Variants in STK36 observed in about 807,000 individuals in gnomAD.
STK36 encodes the protein serine/threonine kinase 36, also known as serine/threonine-protein kinase 36.
Under a neutral mutation model 142.2 loss-of-function variants are expected in STK36, and 116 were observed. The ratio of observed to expected loss-of-function variants is 0.82; its 90% CI spans 0.70 to 0.95. The LOEUF (loss-of-function observed/expected upper bound fraction) is 0.95. STK36 is among the 40% of genes least tolerant of loss of function. STK36 has a pLI of 0.00. For synonymous variants in STK36, 619 were observed against 641.7 expected, an observed-to-expected ratio of 0.96 and a Z score of 0.53; for missense variants, 1,422 against 1,617.2, an observed-to-expected ratio of 0.88 and a Z score of 2.07.
At position 218,675,377 on chromosome 2, in the gene STK36, T is replaced by G; in HGVS notation, c.338T>G (p.Leu113Arg). 1 of 1,613,968 alleles carries G rather than the reference T, an allele frequency of 6.2e-7. No homozygotes were observed. The highest frequency in any genetic ancestry group is 8.5e-7 in the Non-Finnish European group (1 of 1,179,948). Residue 113 changes from leucine (L) to arginine (R), a missense_variant, in exon 5 of 27, where the codon CTG becomes CGG. Leu to Arg is a moderately radical substitution (Grantham distance 102, BLOSUM62 -2). This residue lies in a region of STK36 where 460 missense variants were observed against 449.6 expected (regional missense o/e 1.02). Coordinates refer to ENST00000295709, the MANE Select transcript of STK36 (RefSeq NM_015690.5). ...ATTGCTGCCCAGTTGGTGTCAGCCC[T>G]GTACTATCTGCATTCCCACCGCATC... ...QAIAAQLVSA[L>R]YYLHSHRILH...
rs1167060940 is a variant in STK36, at chr2:218,701,869, C to T, written c.3808C>T (p.Leu1270=). ...TCATCTGTTCTCTATCCTACAGGTACTGGTGTCCCTGGGTGCCAGTGAGAA... is the reference window on the plus strand; with the variant it reads ...TCATCTGTTCTCTATCCTACAGGTATTGGTGTCCCTGGGTGCCAGTGAGAA... ...LQQEPGIHQV[L]VSLGASEKLS... is the part of the protein sequence containing the mutation. The change falls in exon 27 of 27, where the codon CTG becomes TTG. Residue 1270 remains leucine (L), a synonymous_variant. Transcript: ENST00000295709. 2.5e-6 allele frequency: 4 copies of T among 1,613,970 alleles called. No individual in the cohort carries two copies. The highest frequency in any genetic ancestry group is 1.7e-5 in the Admixed American group (1 of 59,980).
At position 218,679,208 on chromosome 2, in the gene STK36, G is replaced by A. The variant is rs765181792; in HGVS notation, c.725G>A (p.Arg242Gln). 14 of 1,614,040 alleles carry A rather than the reference G, an allele frequency of 8.7e-6. No homozygotes were observed. The highest frequency in any genetic ancestry group is 5.5e-5 in the South Asian group (5 of 91,070). ...CTGCTCACCAAAGACCCACGGCAGC[G>A]ACTGTCCTGGCCAGACCTCTTATAT... The part of the protein sequence containing the change: ...QGLLTKDPRQ[R>Q]LSWPDLLYHP... Residue 242 changes from arginine (R) to glutamine (Q), a missense_variant, in exon 7 of 27, where the codon CGA becomes CAA. Physicochemically the swap from Arg to Gln is conservative, Grantham distance 43. Coordinates refer to ENST00000295709, the MANE Select transcript of STK36 (RefSeq NM_015690.5).
At position 218,698,585 on chromosome 2, in the gene STK36, A is replaced by G. The variant is rs780007595; in HGVS notation, c.3058-17A>G. The G allele has an allele frequency of 3.1e-6, 5 of 1,607,956 alleles. No individual in the cohort carries two copies. The African/African-American group carries it at 5.4e-5, about 17-fold the overall frequency. On this transcript the variant is annotated splice_polypyrimidine_tract_variant and intron_variant, in intron 25 of 26. Transcript: ENST00000295709. ...ACTCTCTCTCTCCCTGAATCCTTTTACCTCCTGTTCTCTCAGGTCTGCTGC... is the reference window on the plus strand; with the variant it reads ...ACTCTCTCTCTCCCTGAATCCTTTTGCCTCCTGTTCTCTCAGGTCTGCTGC...
rs1940719066 is a variant in STK36 at position 218,685,131 on chromosome 2, A to G, written c.1283A>G (p.Glu428Gly). 1 of 1,614,166 alleles carries G rather than the reference A, an allele frequency of 6.2e-7. No homozygotes were observed. Among genetic ancestry groups the G allele is most frequent in the East Asian group, 2.2e-5 (1 of 44,876 alleles). ...NEWQHLLETT[E>G]PVPIQLKAPL... ...TGGCAGCACCTGCTAGAGACCACTGAGCCTGTGCCTATTCAACTGAAGGCT... is the reference window on the plus strand; with the variant it reads ...TGGCAGCACCTGCTAGAGACCACTGGGCCTGTGCCTATTCAACTGAAGGCT... The change falls in exon 11 of 27, where the codon GAG (glutamate) becomes GGG (glycine). Residue 428 changes from glutamate to glycine, a missense_variant. Coordinates refer to ENST00000295709, the MANE Select transcript of STK36 (RefSeq NM_015690.5).
chr2:218,675,595 A>T, intron 5 of STK36, 122 bp downstream of exon 5: 1 of 1,165,324 alleles, frequency 8.6e-7, no homozygotes, highest in African/African-American at 1.7e-5. Flanking sequence ...TGCGATCTCC[A>T]CTCACCACAA....
chr2:218,693,870 C>T (rs780619941), intron 18 of STK36, 25 bp from the exon 19 acceptor site: 2 of 1,614,040 alleles, frequency 1.2e-6, no homozygotes, highest in Non-Finnish European at 1.7e-6. Context: ...AGAGGTTGTT[C>T]TGATATCTTA....
chr2:218,682,157 C>T (rs142282278), intron 10 of STK36, among the ~76,000 whole-genome samples: 455 of 152,230 alleles, frequency 3.0e-3, no homozygotes, highest in African/African-American at 9.7e-3. Flanking sequence ...AAACTCCTGA[C>T]CTTAGGTGAT....
chr2:218,693,393 G>C (rs753020701), intron 17 of STK36, 49 bp downstream of exon 17: 1 of 1,541,946 alleles, frequency 6.5e-7, no homozygotes, highest in African/African-American at 1.5e-5. Context: ...AACTCCCAGT[G>C]CAGACAGAGA....
At position 218,702,192 on chromosome 2, in the gene STK36, A is replaced by T. The variant is rs1468598396; in HGVS notation, c.*183A>T. The T allele has an allele frequency of 2.8e-6, 2 of 710,696 alleles. No individual in the cohort carries two copies. Among genetic ancestry groups the T allele is most frequent in the African/African-American group, 3.6e-5 (2 of 55,160 alleles). 44.0% of individuals were successfully genotyped at this position (710,696 alleles called of 1,614,324 possible). A position where few individuals can be genotyped will look rare whatever the true frequency, so the allele number is the denominator to read the frequency against. ...GCTTCTTCCTTCTCCCAGATGCAGG[A>T]TGTTTTCAACCAGTAAATTTTATTG... On this transcript the variant is annotated 3_prime_UTR_variant, in exon 27 of 27. Coordinates refer to ENST00000295709, the MANE Select transcript of STK36 (RefSeq NM_015690.5).
intron 4 of STK36, among the ~76,000 whole-genome samples, chr2:218,674,233 T>G (rs1478245927): frequency 6.6e-6 from 1 of 152,166 alleles, no homozygotes; most frequent in Non-Finnish European, 1.5e-5. Context: ...ATTTGTAAAA[T>G]GGAGATAATA....
At chr2:218,680,180 C>T (rs1940450373) in intron 9 of STK36, 100 bp downstream of exon 9, 1 of 1,127,748 alleles carries the variant, frequency 8.9e-7, no homozygotes. Flanking sequence ...CTAGCCACTG[C>T]CTAAACATGG....
intron 11 of STK36, among the ~76,000 whole-genome samples, chr2:218,685,712 T>G (rs1940745553): frequency 6.6e-6 from 1 of 152,206 alleles, no homozygotes; most frequent in South Asian, 2.1e-4. Context: ...TAGTGTTCCC[T>G]CCTACAAAAC....
rs750683279 is a variant in STK36, at chr2:218,675,439, G to A, written c.400G>A (p.Ala134Thr). 22 of 1,609,784 alleles carry A rather than the reference G, an allele frequency of 1.4e-5. No individual in the cohort carries two copies. The highest frequency in any genetic ancestry group is 1.1e-4 in the East Asian group (5 of 44,690). Residue 134 changes from alanine to threonine, a missense_variant, in exon 5 of 27, where the codon GCC becomes ACC. Ala to Thr is a moderately conservative substitution (Grantham distance 58, BLOSUM62 0). Coordinates refer to ENST00000295709, the MANE Select transcript of STK36 (RefSeq NM_015690.5). The stretch of plus-strand genomic sequence containing the variant: ...TATGAAGCCTCAGAACATCCTCCTC[G>A]CCAAGGGTGGTGGCATCAAGCTCTG... The part of the protein sequence containing the change: ...RDMKPQNILL[A>T]KGGGIKLCDF...
intron 3 of STK36, 49 bp from the exon 4 acceptor site, chr2:218,673,830 C>G: frequency 6.2e-7 from 1 of 1,614,122 alleles, no homozygotes; most frequent in Non-Finnish European, 8.5e-7. Context: ...TTCCCAACCT[C>G]AGAATGCATG....
At chr2:218,698,278 ACCT>A (rs1941311119) in intron 25 of STK36, among the ~76,000 whole-genome samples, 1 of 151,890 alleles carries the variant, frequency 6.6e-6, no homozygotes, top group African/African-American at 2.4e-5. Context: ...CTGAAGACTC[ACCT>A]CCTTGGCCAG....
rs756479775 is a variant in STK36, at chr2:218,699,375, T to C, written c.3804+27T>C. 3.2e-5 allele frequency: 51 copies of C among 1,600,394 alleles called. 1 individual carries two copies. The highest frequency in any genetic ancestry group is 1.2e-4 in the South Asian group (11 of 89,710). ...TATACCCTACAGCACTTATGAACCA[T>C]GATGATCAGGGCCCCTATAGTTGAC... On this transcript the variant is annotated intron_variant, in intron 26 of 26. Coordinates refer to ENST00000295709, the MANE Select transcript of STK36 (RefSeq NM_015690.5).
chr2:218,679,416 C>T, intron 7 of STK36, 144 bp from the exon 8 acceptor site: 1 of 1,283,804 alleles, frequency 7.8e-7, no homozygotes, highest in Non-Finnish European at 1.1e-6. Flanking sequence ...TTGCCACTTC[C>T]CTTACAACCC....
chr2:218,701,242 C>T (rs1387733761), intron 26 of STK36, among the ~76,000 whole-genome samples: 1 of 150,804 alleles, frequency 6.6e-6, no homozygotes, highest in Admixed American at 6.6e-5. Context: ...TCACGCCATT[C>T]TGCCTCAGCC....
intron 11 of STK36, among the ~76,000 whole-genome samples, chr2:218,686,428 T>C (rs1940781711): frequency 6.6e-6 from 1 of 151,922 alleles, no homozygotes; most frequent in Non-Finnish European, 1.5e-5. Flanking sequence ...TAGCTAATTT[T>C]TTGTATTTTT....
Sources: allele counts gnomAD v4.1 joint callset (sites outside exome capture counted in the v4.1 genomes callset), GRCh38; gene constraint gnomAD v4.1.1; regional missense constraint gnomAD v4.1.1; transcripts MANE v1.5; gene names NCBI Gene and HGNC (gene_info 2026-07-23, HGNC 2026-07-21).